Variants in NOD2 observed in about 807,000 individuals in gnomAD.
NOD2 encodes the protein nucleotide-binding oligomerization domain-containing protein 2.
A neutral mutation model predicts 90.9 loss-of-function variants in NOD2; 86 were observed. The ratio of observed to expected loss-of-function variants is 0.95; its 90% CI spans 0.79 to 1.13. NOD2 has a LOEUF of 1.13. Ranked by LOEUF, NOD2 falls within the 50% of genes most tolerant of loss-of-function variation. The pLI, the probability that NOD2 is intolerant of heterozygous loss-of-function variation, is 0.00. For synonymous variants in NOD2, 581 were observed against 554.6 expected, an observed-to-expected ratio of 1.05 and a Z score of -0.67; for missense variants, 1,238 against 1,283.8, an observed-to-expected ratio of 0.96 and a Z score of 0.55.
At chr16:50,696,363 A>T (rs1434147456) in intron 1 of NOD2, 2 of 152,234 alleles carry the variant, frequency 1.3e-5, no homozygotes, top group African/African-American at 4.8e-5. Flanking sequence ...CTTTCTCTAC[A>T]TGGGCCTCAC....
Position 50,710,831 on chromosome 16 carries a change from C to T in NOD2, c.839C>T (p.Thr280Met), listed in dbSNP as rs191901394. The change falls in exon 4 of 12, where the codon ACG becomes ATG. Residue 280 changes from threonine (T) to methionine (M), a missense_variant. This residue lies in a region of NOD2 where 567 missense variants were observed against 577.3 expected (regional missense o/e 0.98). Transcript: ENST00000647318. The part of the protein sequence containing the change: ...VVGEAGSGKS[T>M]LLQRLHLLWA... The stretch of plus-strand genomic sequence containing the variant: ...GGTGAGGCGGGCAGTGGCAAGAGCA[C>T]GCTCCTGCAGCGGCTGCACTTGCTG... The T allele has an allele frequency of 5.7e-5, 92 of 1,614,096 alleles. No homozygotes were observed. Among genetic ancestry groups the T allele is most frequent in the Admixed American group, 2.5e-4 (15 of 60,030 alleles).
chr16:50,716,493 T>C, intron 4 of NOD2, 94 bp from the exon 5 acceptor site: 4 of 1,225,162 alleles, frequency 3.3e-6, no homozygotes, highest in Non-Finnish European at 4.7e-6. Context: ...ATGCTGGCAC[T>C]TCAGGGATGA....
At chr16:50,713,371 G>GA (rs1279377596) in intron 4 of NOD2, 1 of 152,140 alleles carries the variant, frequency 6.6e-6, no homozygotes, top group East Asian at 1.9e-4. Context: ...AAAGCAACAA[G>GA]ATTTATTTTT....
At chr16:50,709,025 G>A (rs74017781) in intron 3 of NOD2, among the ~76,000 whole-genome samples, 2,129 of 152,252 alleles carry the variant, frequency 0.014, 45 homozygotes, top group African/African-American at 0.049. Context: ...GACAATTGGT[G>A]TGTTTATTTC....
chr16:50,700,060 G>A, intron 2 of NOD2, 106 bp downstream of exon 2: 1 of 1,021,534 alleles, frequency 9.8e-7, no homozygotes, highest in Non-Finnish European at 1.5e-6. Context: ...CTTGGTCCAT[G>A]GGATTTCCCC....
chr16:50,722,106 A>T (rs1379355260), intron 7 of NOD2, among the ~76,000 whole-genome samples: 1 of 152,228 alleles, frequency 6.6e-6, no homozygotes, highest in Non-Finnish European at 1.5e-5. Context: ...TTCAAACTAC[A>T]GTGAGTCAGA....
In NOD2 at chr16:50,732,638, A is replaced by G. The variant is rs1489522728; in HGVS notation, c.*819A>G. 6.6e-6 allele frequency: 1 copy of G among 152,332 alleles called. No homozygotes were observed. Among genetic ancestry groups the G allele is most frequent in the Admixed American group, 6.5e-5 (1 of 15,286 alleles). The allele number at this position is 152,332 out of a possible 1,614,324, so 9.4% of individuals were successfully genotyped here. A position where few individuals can be genotyped will look rare whatever the true frequency, so the allele number is the denominator to read the frequency against. On this transcript the variant is annotated 3_prime_UTR_variant, in exon 12 of 12. Coordinates refer to ENST00000647318, the MANE Select transcript of NOD2 (RefSeq NM_001370466.1). Reference sequence around the variant, plus strand: ...AGCCTTTGGAAACAGCTCGACTTTAAAAAGCTCCAAATGCAGCTTTAAAAA... The same window carrying G: ...AGCCTTTGGAAACAGCTCGACTTTAGAAAGCTCCAAATGCAGCTTTAAAAA...
intron 3 of NOD2, 96 bp from the exon 4 acceptor site, chr16:50,710,462 C>T: frequency 3.2e-6 from 5 of 1,549,926 alleles, no homozygotes; most frequent in Non-Finnish European, 4.4e-6. Context: ...CCTATCCCTT[C>T]AGTTATGTCA....
chr16:50,711,973 G>T lies in NOD2; in HGVS notation c.1981G>T (p.Gly661Cys). Reference sequence around the variant, plus strand: ...AGGGCTGTTGTCCCGGGAGCACTGGGGCCTGCTGGCTGAGTGCCAGACATC... The same window carrying T: ...AGGGCTGTTGTCCCGGGAGCACTGGTGCCTGCTGGCTGAGTGCCAGACATC... ...LAGLLSREHW[G>C]LLAECQTSEK... The change falls in exon 4 of 12, where the codon GGC becomes TGC. Residue 661 changes from glycine to cysteine, a missense_variant. Physicochemically the swap from Gly to Cys is radical, Grantham distance 159. Coordinates refer to ENST00000647318, the MANE Select transcript of NOD2 (RefSeq NM_001370466.1). The T allele has an allele frequency of 6.2e-7, 1 of 1,613,396 alleles. No individual in the cohort carries two copies. Among genetic ancestry groups the T allele is most frequent in the Non-Finnish European group, 8.5e-7 (1 of 1,179,886 alleles).
chr16:50,718,791 C>T (rs1012093920), intron 6 of NOD2, among the ~76,000 whole-genome samples: 2 of 152,158 alleles, frequency 1.3e-5, no homozygotes. Flanking sequence ...ATATAGTAAG[C>T]GAGTGGCTGA....
Position 50,711,879 on chromosome 16 carries a change from C to T in NOD2, c.1887C>T (p.Asp629=). The T allele has an allele frequency of 1.2e-6, 2 of 1,609,720 alleles. No individual in the cohort carries two copies. Among genetic ancestry groups the T allele is most frequent in the East Asian group, 4.5e-5 (2 of 44,756 alleles). The change falls in exon 4 of 12, where the codon GAC becomes GAT. Residue 629 remains aspartate (D), a synonymous_variant. Transcript: ENST00000647318. ...TMCIQASEGK[D]SSVAALLQKA... ...GCATCCAGGCCTCGGAGGGAAAGGA[C>T]AGCAGCGTGGCAGCTTTGCTGCAGA...
intron 10 of NOD2, among the ~76,000 whole-genome samples, chr16:50,726,676 C>G (rs901625995): frequency 6.6e-6 from 1 of 152,168 alleles, no homozygotes; most frequent in African/African-American, 2.4e-5. Flanking sequence ...CCATGGATGC[C>G]AGGCAATGAG....
chr16:50,706,896 C>A (rs1964219526), intron 2 of NOD2, among the ~76,000 whole-genome samples: 1 of 152,036 alleles, frequency 6.6e-6, no homozygotes, highest in African/African-American at 2.4e-5. Flanking sequence ...TGGGGTTTCA[C>A]CATGTTGTCC....
chr16:50,697,375 G>A, intron 1 of NOD2: 5 of 1,446,692 alleles, frequency 3.5e-6, no homozygotes, highest in Non-Finnish European at 4.8e-6. Flanking sequence ...TTCATCCTTG[G>A]CCGCGACATG....
At chr16:50,720,588 G>A (rs1468405833) in intron 7 of NOD2, among the ~76,000 whole-genome samples, 2 of 152,174 alleles carry the variant, frequency 1.3e-5, no homozygotes, top group African/African-American at 4.8e-5. Context: ...CAGCCCCAGG[G>A]TGGGCTTCCT....
At chr16:50,726,553 T>G (rs988403986) in intron 10 of NOD2, among the ~76,000 whole-genome samples, 5 of 152,202 alleles carry the variant, frequency 3.3e-5, no homozygotes, top group Non-Finnish European at 7.3e-5. Context: ...CTGAGCCAGA[T>G]GCCAGCTTTG....
At chr16:50,728,332 G>T in intron 10 of NOD2, 1 of 386,754 alleles carries the variant, frequency 2.6e-6, no homozygotes, top group Non-Finnish European at 5.1e-6. Flanking sequence ...TTAGTTAGCA[G>T]TTCCTGGGCC....
At chr16:50,720,039 A>C (rs1326255323) in intron 7 of NOD2, 31 bp downstream of exon 7, 3 of 1,590,508 alleles carry the variant, frequency 1.9e-6, no homozygotes, top group South Asian at 2.2e-5. Flanking sequence ...AGGGACCTGC[A>C]TGGAGGGGCT....
rs1360000449 is a variant in NOD2, at chr16:50,732,160, C to T, written c.*341C>T. On this transcript the variant is annotated 3_prime_UTR_variant, in exon 12 of 12. Transcript: ENST00000647318. ...TGGGTCAGTGGGGCCCATGGATGTG[C>T]TTGTTAACTGAGTGCCTTTTGGTGG... 2.5e-6 allele frequency: 1 copy of T among 404,698 alleles called. No individual in the cohort carries two copies. Among genetic ancestry groups the T allele is most frequent in the African/African-American group, 2.1e-5 (1 of 48,596 alleles). The allele number at this position is 404,698 out of a possible 1,614,324, so 25.1% of individuals were successfully genotyped here. A position where few individuals can be genotyped will look rare whatever the true frequency, so the allele number is the denominator to read the frequency against.
Sources: gnomAD v4.1 joint callset for allele counts (sites outside exome capture counted in the v4.1 genomes callset) on GRCh38, gnomAD v4.1.1 for gene constraint, gnomAD v4.1.1 regional missense constraint, MANE v1.5 for transcripts, NCBI Gene and HGNC (gene_info 2026-07-23, HGNC 2026-07-21) for gene names.